ARHGAP8: variants seen among roughly 807,000 people sequenced by gnomAD.
The protein encoded by ARHGAP8 is Rho GTPase activating protein 8.
Under a neutral mutation model 46.1 loss-of-function variants are expected in ARHGAP8, and 62 were observed. The observed-to-expected ratio is 1.34, with a 90% CI of 1.10 to 1.66. The LOEUF (loss-of-function observed/expected upper bound fraction) is 1.66, where lower values mean the gene tolerates loss of function less well. ARHGAP8 is among the 40% of genes most tolerant of loss of function. ARHGAP8 has a pLI of 0.00. For missense variants in ARHGAP8, 923 were observed against 568.4 expected (o/e 1.62, Z -6.34); for synonymous variants, 375 against 243.1 (o/e 1.54, Z -5.05).
chr22:44,817,077 G>T (rs1364222772), intron 5 of ARHGAP8, among the ~76,000 whole-genome samples: 1 of 152,032 alleles, frequency 6.6e-6, no homozygotes, highest in Non-Finnish European at 1.5e-5. Flanking sequence ...GTAGAGACGG[G>T]GTTTCACCAT....
intron 9 of ARHGAP8, 127 bp downstream of exon 9, chr22:44,848,177 G>T: frequency 7.4e-7 from 1 of 1,354,702 alleles, no homozygotes; most frequent in Non-Finnish European, 1.0e-6. Context: ...AACACTCAGG[G>T]TGGGGGCAGC....
At chr22:44,808,728 C>G (rs1213922391) in intron 4 of ARHGAP8, 2 of 559,664 alleles carry the variant, frequency 3.6e-6, no homozygotes, top group Admixed American at 4.5e-5. Context: ...CTTTGGGAGG[C>G]CAAGGTGGGT....
At chr22:44,834,836 A>G (rs1336151688) in intron 7 of ARHGAP8, among the ~76,000 whole-genome samples, 2 of 22,174 alleles carry the variant, frequency 9.0e-5, no homozygotes, top group Non-Finnish European at 1.8e-4. Context: ...GAATCCTTGC[A>G]TGATGATAAA....
intron 7 of ARHGAP8, among the ~76,000 whole-genome samples, chr22:44,840,576 T>C (rs1931585156): frequency 6.6e-6 from 1 of 152,178 alleles, no homozygotes; most frequent in Non-Finnish European, 1.5e-5. Flanking sequence ...CTCATAGAGC[T>C]GGAGGCTCTA....
In ARHGAP8 at chr22:44,848,830, G is replaced by A. The variant is rs537141563; in HGVS notation, c.749-102G>A. 44 of 1,562,754 alleles carry A rather than the reference G, an allele frequency of 2.8e-5. No individual in the cohort carries two copies. The African/African-American group carries it at 3.0e-4, about 11-fold the overall frequency. Reference sequence around the variant, plus strand: ...GACACATGGCTCCAGCATCAGGTGCGTCCCATCCGGACATCTCACGCCCTG... The same window carrying A: ...GACACATGGCTCCAGCATCAGGTGCATCCCATCCGGACATCTCACGCCCTG... On this transcript the variant is annotated intron_variant, in intron 9 of 11. Coordinates refer to ENST00000356099, the MANE Select transcript of ARHGAP8 (RefSeq NM_181335.3).
intron 10 of ARHGAP8, chr22:44,849,500 G>A: frequency 5.2e-6 from 1 of 192,342 alleles, no homozygotes; most frequent in Non-Finnish European, 1.1e-5. Flanking sequence ...CAGCTATAGT[G>A]TCTGATCCTA....
rs113024559 is a variant in ARHGAP8 at position 44,795,466 on chromosome 22, C to T, written c.80-6611C>T. Among the ~76,000 whole-genome samples, 861 of 152,160 alleles carry T rather than the reference C, an allele frequency of 5.7e-3. 5 individuals are homozygous for T. The highest frequency in any genetic ancestry group is 0.017 in the African/African-American group (686 of 41,490). On this transcript the variant is annotated intron_variant, in intron 2 of 11. Transcript: ENST00000356099. The stretch of plus-strand genomic sequence containing the variant: ...ATTACCTGCTTATCTTGGCTTCACC[C>T]CACACCCCCCTCTACCCTCTGGGCC...
chr22:44,799,825 G>A (rs373307483), intron 2 of ARHGAP8, among the ~76,000 whole-genome samples: 16 of 134,066 alleles, frequency 1.2e-4, no homozygotes, highest in African/African-American at 4.2e-4. Context: ...CAGGGGGTGG[G>A]GGGTGGGTGG....
chr22:44,809,042 G>A (rs751081645), intron 4 of ARHGAP8: 12 of 460,700 alleles, frequency 2.6e-5, no homozygotes, highest in South Asian at 1.9e-4. Context: ...GGCTGGTCTC[G>A]AACTCCAAGC....
At chr22:44,778,506 T>G (rs1251791434) in intron 1 of ARHGAP8, among the ~76,000 whole-genome samples, 1 of 152,216 alleles carries the variant, frequency 6.6e-6, no homozygotes, top group East Asian at 1.9e-4. Flanking sequence ...AAGGATCTTT[T>G]TTGTATAATG....
chr22:44,847,880 T>C (rs562125669), intron 8 of ARHGAP8, 93 bp from the exon 9 acceptor site: 1 of 1,500,730 alleles, frequency 6.7e-7, no homozygotes, highest in Non-Finnish European at 9.1e-7. Flanking sequence ...CAGCCACAGG[T>C]GGGTGATGCC....
At chr22:44,828,170 C>T (rs1930670004) in intron 7 of ARHGAP8, among the ~76,000 whole-genome samples, 1 of 152,194 alleles carries the variant, frequency 6.6e-6, no homozygotes, top group African/African-American at 2.4e-5. Flanking sequence ...AATAAATGAG[C>T]AAGAGACTAT....
At chr22:44,780,993 C>T (rs1341686889) in intron 1 of ARHGAP8, among the ~76,000 whole-genome samples, 4 of 152,158 alleles carry the variant, frequency 2.6e-5, no homozygotes, top group Admixed American at 6.5e-5. Flanking sequence ...AGGAGAGCCT[C>T]GCTTCCAGGT....
In ARHGAP8 at chr22:44,859,853, A is replaced by C. The variant is rs1319632523; in HGVS notation, c.981+19A>C. On this transcript the variant is annotated intron_variant, in intron 11 of 11. Coordinates refer to ENST00000356099, the MANE Select transcript of ARHGAP8 (RefSeq NM_181335.3). ...GCATGCGGTGAGTGGGGAAGGGGGG[A>C]GCTTGGGGTGAAGCCCAGTGGCCTT... 13 of 1,608,790 alleles carry C rather than the reference A, an allele frequency of 8.1e-6. No individual in the cohort carries two copies. The highest frequency in any genetic ancestry group is 3.3e-5 in the Admixed American group (2 of 59,846).
rs377435528 is a variant in ARHGAP8, at chr22:44,862,227, G to A, written c.982-48G>A. 1.2e-4 allele frequency: 178 copies of A among 1,536,096 alleles called. 1 individual carries two copies. Among genetic ancestry groups the A allele is most frequent in the Non-Finnish European group, 1.4e-4 (160 of 1,138,000 alleles). ...GTTCGGGAGGGAGTTCCAGGTGCCC[G>A]TGCCCCTTGGTGTTCACTCCCCTTT... On this transcript the variant is annotated intron_variant, in intron 11 of 11. Coordinates refer to ENST00000356099, the MANE Select transcript of ARHGAP8 (RefSeq NM_181335.3).
chr22:44,771,915 C>T (rs1307365057), intron 1 of ARHGAP8, among the ~76,000 whole-genome samples: 2 of 152,136 alleles, frequency 1.3e-5, no homozygotes, highest in Non-Finnish European at 2.9e-5. Flanking sequence ...TGTCTTATTA[C>T]AGTGGGTGGG....
chr22:44,787,317 GTTGCTTTGTTTTGTT>G (rs910861379), intron 2 of ARHGAP8, among the ~76,000 whole-genome samples: 21 of 132,806 alleles, frequency 1.6e-4, no homozygotes, highest in African/African-American at 5.8e-4. Context: ...AACATCTTGC[GTTGCTTTGTTTTGTT>G]TTGTTTTGTT....
At chr22:44,818,502 T>C (rs1486488356) in intron 5 of ARHGAP8, among the ~76,000 whole-genome samples, 1 of 150,928 alleles carries the variant, frequency 6.6e-6, no homozygotes, top group Non-Finnish European at 1.5e-5. Context: ...GGCAGCGTGA[T>C]GGTGATGGCA....
chr22:44,854,046 A>T (rs1376677665), intron 10 of ARHGAP8, among the ~76,000 whole-genome samples: 2 of 145,338 alleles, frequency 1.4e-5, no homozygotes, highest in Admixed American at 6.8e-5. Flanking sequence ...AAAAAAAAAA[A>T]AAAAAAAAAA....
Sources: allele counts gnomAD v4.1 joint callset (sites outside exome capture counted in the v4.1 genomes callset), GRCh38; gene constraint gnomAD v4.1.1; transcripts MANE v1.5; gene names NCBI Gene and HGNC (gene_info 2026-07-23, HGNC 2026-07-21).